MAL: variants seen among roughly 807,000 people sequenced by gnomAD.
The protein encoded by MAL is mal, T cell differentiation protein (MAL blood group).
In MAL, 5 loss-of-function variants were observed where a neutral mutation model predicts 16.7. The observed-to-expected ratio is 0.30, with a 90% CI of 0.16 to 0.63. The LOEUF is 0.63. MAL is among the 30% of genes least tolerant of loss of function. The probability of loss-of-function intolerance (pLI) is 0.82; values close to 1 mark genes in which losing one functional copy is unlikely to be tolerated. For synonymous variants in MAL, 96 were observed against 85.5 expected (o/e 1.12, Z -0.67); for missense variants, 202 against 195.8 (o/e 1.03, Z -0.19).
At position 95,032,473 on chromosome 2, in the gene MAL, C is replaced by T. The variant is rs112945696; in HGVS notation, c.93+6588C>T. 3.5e-3 allele frequency among the ~76,000 whole-genome samples: 539 copies of T among 152,308 alleles called. 6 individuals are homozygous for T. Among genetic ancestry groups the T allele is most frequent in the African/African-American group, 0.012 (514 of 41,560 alleles). On this transcript the variant is annotated intron_variant, in intron 1 of 3. Transcript: ENST00000309988. Reference sequence around the variant, plus strand: ...CTCCTGGCCCCTCCAGTGTCAGTGCCGGACATGGTGCTTTGGACCAGCAGG... The same window carrying T: ...CTCCTGGCCCCTCCAGTGTCAGTGCTGGACATGGTGCTTTGGACCAGCAGG...
At chr2:95,028,066 G>A (rs923949301) in intron 1 of MAL, among the ~76,000 whole-genome samples, 1 of 151,630 alleles carries the variant, frequency 6.6e-6, no homozygotes, top group African/African-American at 2.4e-5. Flanking sequence ...CAGCACTTTG[G>A]GAGGCTGAGG....
At chr2:95,034,802 C>A (rs936808978) in intron 1 of MAL, among the ~76,000 whole-genome samples, 2 of 152,138 alleles carry the variant, frequency 1.3e-5, no homozygotes, top group Admixed American at 6.5e-5. Flanking sequence ...TGGAGGTGAC[C>A]CTTTAGGCCC....
At chr2:95,047,894 C>A in intron 1 of MAL, 65 bp from the exon 2 acceptor site, 1 of 1,523,662 alleles carries the variant, frequency 6.6e-7, no homozygotes, top group South Asian at 1.2e-5. Flanking sequence ...GACCGCTGGT[C>A]GGGGGCCCTT....
Position 95,053,374 on chromosome 2 carries a change from G to T in MAL, c.388-7G>T, listed in dbSNP as rs72942262. 2.2e-5 allele frequency: 36 copies of T among 1,605,968 alleles called. No individual in the cohort carries two copies. In the African/African-American group the frequency reaches 4.5e-4, roughly 20 times the overall value. ...AACCCATTAACGGCCATTTCTCTTG[G>T]TTCCAGGTGTTCTCCTACATAGCCA... is the stretch of plus-strand genomic sequence containing the variant. On this transcript the variant is annotated splice_polypyrimidine_tract_variant and splice_region_variant and intron_variant, in intron 3 of 3. Transcript: ENST00000309988.
intron 1 of MAL, among the ~76,000 whole-genome samples, chr2:95,042,694 G>A (rs1674497774): frequency 2.0e-5 from 3 of 152,194 alleles, no homozygotes; most frequent in African/African-American, 7.2e-5. Flanking sequence ...TGCCTCCAGG[G>A]TGCCAATAAT....
chr2:95,051,047 G>A (rs535625050), intron 3 of MAL, among the ~76,000 whole-genome samples: 1 of 152,184 alleles, frequency 6.6e-6, no homozygotes, highest in Non-Finnish European at 1.5e-5. Flanking sequence ...GTGAACAAAG[G>A]TTGCGAAATG....
At chr2:95,028,152 CAAAAAAAAAAA>C (rs898443996) in intron 1 of MAL, among the ~76,000 whole-genome samples, 1 of 39,688 alleles carries the variant, frequency 2.5e-5, no homozygotes, top group East Asian at 7.6e-4. Flanking sequence ...ACTAAAAATA[CAAAAAAAAAAA>C]AAAAAAAAAA....
chr2:95,046,694 C>T (rs1396307652), intron 1 of MAL, among the ~76,000 whole-genome samples: 1 of 152,136 alleles, frequency 6.6e-6, no homozygotes, highest in Non-Finnish European at 1.5e-5. Flanking sequence ...TTTCCTCATG[C>T]CCATCCTCAG....
chr2:95,027,815 C>T (rs1409160646), intron 1 of MAL, among the ~76,000 whole-genome samples: 4 of 152,114 alleles, frequency 2.6e-5, no homozygotes, highest in Non-Finnish European at 5.9e-5. Flanking sequence ...GGGTTCACGC[C>T]ATTCTCCTGC....
chr2:95,045,681 C>G (rs1282446009), intron 1 of MAL, among the ~76,000 whole-genome samples: 1 of 152,184 alleles, frequency 6.6e-6, no homozygotes, highest in Non-Finnish European at 1.5e-5. Flanking sequence ...GAGGGGTTCC[C>G]AGGCCAGGGC....
intron 3 of MAL, among the ~76,000 whole-genome samples, chr2:95,050,915 T>C (rs989808734): frequency 6.6e-6 from 1 of 152,194 alleles, no homozygotes; most frequent in Non-Finnish European, 1.5e-5. Context: ...CTCCATCTTC[T>C]TCACACAATT....
At position 95,036,750 on chromosome 2, in the gene MAL, CGAGTGAGTGACT is replaced by C. The variant is rs765727831; in HGVS notation, c.93+10876_93+10887del. On this transcript the variant is annotated intron_variant, in intron 1 of 3. Coordinates refer to ENST00000309988, the MANE Select transcript of MAL (RefSeq NM_002371.4). ...GTGAGTGAGTGGCTGAGTGAGTGAC[CGAGTGAGTGACT>C]GAGTGAGTGAGTGACTGAGTGAGTG... is the stretch of plus-strand genomic sequence containing the variant. Among the ~76,000 whole-genome samples the C allele has an allele frequency of 3.2e-3, 330 of 104,164 alleles. 1 individual carries two copies. The highest frequency in any genetic ancestry group is 4.8e-3 in the Non-Finnish European group (236 of 49,424). The allele number at this position is 104,164 out of a possible 152,430, so 68.3% of individuals were successfully genotyped here. A position where few individuals can be genotyped will look rare whatever the true frequency, so the allele number is the denominator to read the frequency against.
intron 1 of MAL, among the ~76,000 whole-genome samples, chr2:95,040,324 C>T (rs1674429040): frequency 6.6e-6 from 1 of 152,074 alleles, no homozygotes; most frequent in Non-Finnish European, 1.5e-5. Context: ...CACATGCATA[C>T]AGAGAAGTAC....
chr2:95,043,215 T>G (rs1674509988), intron 1 of MAL, among the ~76,000 whole-genome samples: 1 of 152,234 alleles, frequency 6.6e-6, no homozygotes, highest in Admixed American at 6.5e-5. Flanking sequence ...ACTGACCCTA[T>G]GCACCTGTCC....
In MAL at chr2:95,053,393, A is replaced by AT; in HGVS notation, c.401dup (p.Ala135SerfsTer24). ...CTCTTGGTTCCAGGTGTTCTCCTAC[A>AT]TAGCCACTCTGCTCTACGTGGTCCA... On this transcript the variant is annotated frameshift_variant, in exon 4 of 4. Coordinates refer to ENST00000309988, the MANE Select transcript of MAL (RefSeq NM_002371.4). LOFTEE classifies it high-confidence loss of function. 6.2e-7 allele frequency: 1 copy of AT among 1,612,962 alleles called. No individual in the cohort carries two copies. Among genetic ancestry groups the AT allele is most frequent in the Non-Finnish European group, 8.5e-7 (1 of 1,179,106 alleles).
At chr2:95,039,055 G>GGTGA (rs1307763121) in intron 1 of MAL, among the ~76,000 whole-genome samples, 9 of 92,590 alleles carry the variant, frequency 9.7e-5, no homozygotes, top group Non-Finnish European at 2.0e-4. Flanking sequence ...TGACTGAGTG[G>GGTGA]GTGAGTGAGT....
At chr2:95,028,297 T>C (rs1434314798) in intron 1 of MAL, among the ~76,000 whole-genome samples, 1 of 151,924 alleles carries the variant, frequency 6.6e-6, no homozygotes, top group Non-Finnish European at 1.5e-5. Flanking sequence ...CACTCCAGCC[T>C]GGGCAACAGA....
intron 1 of MAL, among the ~76,000 whole-genome samples, chr2:95,043,669 AC>A (rs1674521081): frequency 6.6e-6 from 1 of 152,174 alleles, no homozygotes; most frequent in African/African-American, 2.4e-5. Flanking sequence ...TTCCACAGAC[AC>A]CTAGCCGGGA....
Position 95,050,465 on chromosome 2 carries a change from C to T in MAL, c.387+759C>T, listed in dbSNP as rs551835687. Among the ~76,000 whole-genome samples, 4 of 152,328 alleles carry T rather than the reference C, an allele frequency of 2.6e-5. No homozygotes were observed. In the South Asian group the frequency reaches 8.3e-4, roughly 32 times the overall value. ...TCTAGAACTTAACCTATGAATTATG[C>T]AAATCCCAAGGTAGAATGTGGTGAC... On this transcript the variant is annotated intron_variant, in intron 3 of 3. Transcript: ENST00000309988.
Sources: allele counts gnomAD v4.1 joint callset (sites outside exome capture counted in the v4.1 genomes callset), GRCh38; gene constraint gnomAD v4.1.1; transcripts MANE v1.5; gene names NCBI Gene and HGNC (gene_info 2026-07-23, HGNC 2026-07-21).